TTL: variants seen among roughly 807,000 people sequenced by gnomAD.
The protein encoded by TTL is tubulin tyrosine ligase.
Under a neutral mutation model 41.1 loss-of-function variants are expected in TTL, and 10 were observed. The observed-to-expected ratio is 0.24, with a 90% confidence interval of 0.15 to 0.41. The LOEUF (loss-of-function observed/expected upper bound fraction) is 0.41. TTL is among the 10% of genes least tolerant of loss of function. The pLI is 1.00. For synonymous variants in TTL, 175 were observed against 175.5 expected (o/e 1.00, Z 0.02); for missense variants, 367 against 460.4 (o/e 0.80, Z 1.86).
At chr2:112,512,423 C>G (rs1294550960) in intron 5 of TTL, among the ~76,000 whole-genome samples, 1 of 152,200 alleles carries the variant, frequency 6.6e-6, no homozygotes, top group Non-Finnish European at 1.5e-5. Flanking sequence ...CCACCATGCC[C>G]GGCTAATTTT....
intron 3 of TTL, among the ~76,000 whole-genome samples, chr2:112,494,942 T>G (rs534370976): frequency 6.6e-6 from 1 of 152,212 alleles, no homozygotes; most frequent in Non-Finnish European, 1.5e-5. Context: ...ACAATAATGT[T>G]TTCAAAACGT....
In TTL at chr2:112,539,069, A is replaced by G. The variant is rs1165490204; in HGVS notation, c.*10274A>G. ...AAGGCGGAGGTTGCAGTGAGCCGAG[A>G]TTGCGCCACTGCACTCCAGCCTGGG... is the stretch of plus-strand genomic sequence containing the variant. On this transcript the variant is annotated 3_prime_UTR_variant, in exon 7 of 7. Coordinates refer to ENST00000233336, the MANE Select transcript of TTL (RefSeq NM_153712.5). The G allele has an allele frequency of 7.0e-6, 1 of 143,218 alleles. No homozygotes were observed. Among genetic ancestry groups the G allele is most frequent in the African/African-American group, 2.6e-5 (1 of 38,710 alleles). The allele number at this position is 143,218 out of a possible 1,614,324, so 8.9% of individuals were successfully genotyped here. A position where few individuals can be genotyped will look rare whatever the true frequency, so the allele number is the denominator to read the frequency against.
chr2:112,499,760 T>C (rs952599157), intron 3 of TTL, among the ~76,000 whole-genome samples: 1 of 152,060 alleles, frequency 6.6e-6, no homozygotes. Context: ...TAAACAACTT[T>C]CAAAACTTAA....
chr2:112,496,281 T>A (rs1289567175), intron 3 of TTL, among the ~76,000 whole-genome samples: 2 of 152,188 alleles, frequency 1.3e-5, no homozygotes. Flanking sequence ...ACTTTTTGCT[T>A]TAAGAGTTGA....
chr2:112,531,255 C>CTTT lies in TTL; in HGVS notation c.*2462_*2464dup. On this transcript the variant is annotated 3_prime_UTR_variant, in exon 7 of 7. Transcript: ENST00000233336. ...GCCTGGCTCCCAGTCAGGCTTCATA[C>CTTT]TTTTGGTCCATGTAAGTGCTACCCG... 1 of 225,860 alleles carries CTTT rather than the reference C, an allele frequency of 4.4e-6. No homozygotes were observed. The highest frequency in any genetic ancestry group is 6.4e-5 in the East Asian group (1 of 15,590). The allele number at this position is 225,860 out of a possible 1,614,324, so 14.0% of individuals were successfully genotyped here.
intron 6 of TTL, among the ~76,000 whole-genome samples, chr2:112,523,973 T>C (rs1042519287): frequency 1.3e-5 from 2 of 152,046 alleles, no homozygotes; most frequent in African/African-American, 4.8e-5. Context: ...GGCCCTGGTG[T>C]GTGATGTTCC....
chr2:112,486,646 G>A (rs1163555168), intron 2 of TTL, among the ~76,000 whole-genome samples: 1 of 152,196 alleles, frequency 6.6e-6, no homozygotes, highest in Admixed American at 6.5e-5. Flanking sequence ...GGAAGGAGAC[G>A]GTGTTAGACA....
rs1682633754 is a variant in TTL at position 112,538,216 on chromosome 2, A to T, written c.*9421A>T. 2 of 152,240 alleles carry T rather than the reference A, an allele frequency of 1.3e-5. No individual in the cohort carries two copies. The highest frequency in any genetic ancestry group is 2.1e-4 in the South Asian group (1 of 4,838). 9.4% of individuals were successfully genotyped at this position (152,240 alleles called of 1,614,324 possible). On this transcript the variant is annotated 3_prime_UTR_variant, in exon 7 of 7. Transcript: ENST00000233336. Reference sequence around the variant, plus strand: ...CAATATTTCATAGAGTCTCCTAAAAAATAGAAGAGAAGAAAATACTCCTCA... The same window carrying T: ...CAATATTTCATAGAGTCTCCTAAAATATAGAAGAGAAGAAAATACTCCTCA...
Position 112,531,234 on chromosome 2 carries a change from G to A in TTL, c.*2439G>A, listed in dbSNP as rs1179525540. The A allele has an allele frequency of 4.5e-6, 1 of 224,300 alleles. No homozygotes were observed. The highest frequency in any genetic ancestry group is 2.2e-5 in the African/African-American group (1 of 44,852). The allele number at this position is 224,300 out of a possible 1,614,324, so 13.9% of individuals were successfully genotyped here. A position where few individuals can be genotyped will look rare whatever the true frequency, so the allele number is the denominator to read the frequency against. On this transcript the variant is annotated 3_prime_UTR_variant, in exon 7 of 7. Coordinates refer to ENST00000233336, the MANE Select transcript of TTL (RefSeq NM_153712.5). ...GTCCTTGACACAGAAGGTTATGCCT[G>A]GCTCCCAGTCAGGCTTCATACTTTT...
chr2:112,532,505 T>C lies in TTL; in HGVS notation c.*3710T>C. 1 of 215,066 alleles carries C rather than the reference T, an allele frequency of 4.6e-6. No individual in the cohort carries two copies. Among genetic ancestry groups the C allele is most frequent in the Non-Finnish European group, 9.4e-6 (1 of 106,520 alleles). The allele number at this position is 215,066 out of a possible 1,614,324, so 13.3% of individuals were successfully genotyped here. ...ATATAATTAGCCGGGCATGGTGGCATGTGGTGGTGGCTGAGGTGGGAGGAT... is the reference window on the plus strand; with the variant it reads ...ATATAATTAGCCGGGCATGGTGGCACGTGGTGGTGGCTGAGGTGGGAGGAT... On this transcript the variant is annotated 3_prime_UTR_variant, in exon 7 of 7. Transcript: ENST00000233336.
intron 6 of TTL, among the ~76,000 whole-genome samples, chr2:112,523,423 C>T (rs897938895): frequency 1.5e-4 from 22 of 151,678 alleles, no homozygotes; most frequent in Admixed American, 4.0e-4. Flanking sequence ...CTCTGTCTGC[C>T]TTCTATTCAT....
Position 112,486,001 on chromosome 2 carries a change from T to C in TTL, c.236+6T>C, listed in dbSNP as rs1681229941. 1 of 1,613,464 alleles carries C rather than the reference T, an allele frequency of 6.2e-7. No homozygotes were observed. Among genetic ancestry groups the C allele is most frequent in the African/African-American group, 1.3e-5 (1 of 74,896 alleles). ...CGCAAAGCTTCTTTAGTGAAGTAAG[T>C]GTTAAGACCGCTGTTTTCCATTTTT... On this transcript the variant is annotated splice_donor_region_variant and intron_variant, in intron 2 of 6. Coordinates refer to ENST00000233336, the MANE Select transcript of TTL (RefSeq NM_153712.5).
chr2:112,524,505 T>C (rs1290658073), intron 6 of TTL, among the ~76,000 whole-genome samples: 3 of 152,208 alleles, frequency 2.0e-5, no homozygotes. Context: ...TGTGAGATGG[T>C]ATCTCATTGT....
rs1395333704 is a variant in TTL at position 112,540,100 on chromosome 2, A to G, written c.*11305A>G. On this transcript the variant is annotated 3_prime_UTR_variant, in exon 7 of 7. Transcript: ENST00000233336. Reference sequence around the variant, plus strand: ...AAATAGGCCCCAAATTGATCTACCAATTGAACACAATCCTGATCAAGAATC... The same window carrying G: ...AAATAGGCCCCAAATTGATCTACCAGTTGAACACAATCCTGATCAAGAATC... 2.0e-5 allele frequency: 3 copies of G among 152,228 alleles called. No homozygotes were observed. Among genetic ancestry groups the G allele is most frequent in the Non-Finnish European group, 4.4e-5 (3 of 68,042 alleles). 9.4% of individuals were successfully genotyped at this position (152,228 alleles called of 1,614,324 possible).
At chr2:112,520,733 C>A (rs1574070812) in intron 6 of TTL, 3 of 284,728 alleles carry the variant, frequency 1.1e-5, no homozygotes, top group Admixed American at 4.3e-5. Context: ...GCCTGGGCAG[C>A]CTGGCAAAAC....
chr2:112,482,289 C>G lies in TTL; in HGVS notation c.-56C>G. 3.2e-6 allele frequency: 4 copies of G among 1,259,176 alleles called. No homozygotes were observed. The highest frequency in any genetic ancestry group is 3.1e-6 in the Non-Finnish European group (3 of 982,002). The allele number at this position is 1,259,176 out of a possible 1,614,324, so 78.0% of individuals were successfully genotyped here. A position where few individuals can be genotyped will look rare whatever the true frequency, so the allele number is the denominator to read the frequency against. ...CGGGGTCCGCGCTGAGCCGCCTTCT[C>G]GGCCGCCTGGTCCCTGCGGCGGCTG... On this transcript the variant is annotated 5_prime_UTR_variant, in exon 1 of 7. Transcript: ENST00000233336. This position sits in a 1 kb window ranked among gnomAD's most constrained non-coding sequence, Gnocchi z 5.3.
In TTL at chr2:112,538,593, CAT is replaced by C. The variant is rs1682643653; in HGVS notation, c.*9799_*9800del. The C allele has an allele frequency of 6.6e-6, 1 of 152,078 alleles. No individual in the cohort carries two copies. The highest frequency in any genetic ancestry group is 2.1e-4 in the South Asian group (1 of 4,826). 9.4% of individuals were successfully genotyped at this position (152,078 alleles called of 1,614,324 possible). A position where few individuals can be genotyped will look rare whatever the true frequency, so the allele number is the denominator to read the frequency against. On this transcript the variant is annotated 3_prime_UTR_variant, in exon 7 of 7. Transcript: ENST00000233336. ...AGGAGTTTGAGTCCAGCCTGGGCAA[CAT>C]GATTAAATCTGGTCTCTATAAAAAA...
At chr2:112,496,062 C>T (rs565986584) in intron 3 of TTL, among the ~76,000 whole-genome samples, 35 of 152,242 alleles carry the variant, frequency 2.3e-4, no homozygotes, top group Middle Eastern at 3.4e-3. Flanking sequence ...CCTCTTGTGA[C>T]CTTTTCTCAA....
intron 6 of TTL, among the ~76,000 whole-genome samples, chr2:112,524,765 C>G (rs189425198): frequency 6.6e-6 from 1 of 152,112 alleles, no homozygotes; most frequent in Non-Finnish European, 1.5e-5. Flanking sequence ...ATGGTAGTTT[C>G]TTTTGCTGTG....
Sources: allele counts gnomAD v4.1 joint callset (sites outside exome capture counted in the v4.1 genomes callset), GRCh38; gene constraint gnomAD v4.1.1; non-coding constraint Gnocchi (gnomAD v3.1); transcripts MANE v1.5; gene names NCBI Gene and HGNC (gene_info 2026-07-23, HGNC 2026-07-21).